The following H2AC1 variants were observed in gnomAD, a reference collection of about 807,000 sequenced individuals.
H2AC1 encodes the protein H2A clustered histone 1.
For missense variants in H2AC1, 218 were observed against 173.8 expected (o/e 1.25, Z -1.43); for synonymous variants, 145 against 70.0 (o/e 2.07, Z -5.35).
rs765392669 is a variant in H2AC1, at chr6:25,726,520, C to G, written c.8G>C (p.Gly3Ala). Residue 3 changes from glycine to alanine, a missense_variant, in exon 1 of 1, where the codon GGA becomes GCA. By Grantham distance (60) the Gly-to-Ala change is moderately conservative (BLOSUM62 0). Coordinates refer to ENST00000297012, the MANE Select transcript of H2AC1 (RefSeq NM_170745.3). MS[G>A]RGKQGGKARA... ...TGCTTTTCCTCCCTGCTTCCCTCGT[C>G]CAGACATCTCCTCGCATCAAATTGC... The G allele has an allele frequency of 1.9e-6, 3 of 1,607,872 alleles. No homozygotes were observed. The highest frequency in any genetic ancestry group is 1.1e-5 in the South Asian group (1 of 90,826).
Position 25,726,073 on chromosome 6 carries a change from T to TGAAAA in H2AC1, c.*54_*58dup, listed in dbSNP as rs1453678083. The TGAAAA allele has an allele frequency of 1.4e-6, 2 of 1,456,220 alleles. No homozygotes were observed. The highest frequency in any genetic ancestry group is 1.8e-6 in the Non-Finnish European group (2 of 1,086,292). 90.2% of individuals were successfully genotyped at this position (1,456,220 alleles called of 1,614,324 possible). A position where few individuals can be genotyped will look rare whatever the true frequency, so the allele number is the denominator to read the frequency against. ...CTTTTTCTGAGACGGTAGGTGGCTC[T>TGAAAA]GAAAAGAGCCTTTTGTTTTTTCTGA... On this transcript the variant is annotated 3_prime_UTR_variant, in exon 1 of 1. Transcript: ENST00000297012.
At position 25,726,239 on chromosome 6, in the gene H2AC1, G is replaced by C. The variant is rs1219098411; in HGVS notation, c.289C>G (p.Leu97Val). 1.2e-6 allele frequency: 2 copies of C among 1,613,810 alleles called. No homozygotes were observed. The highest frequency in any genetic ancestry group is 1.7e-6 in the Non-Finnish European group (2 of 1,179,756). ...TGGGCAATGGTCACGCCGCCCAAAA[G>C]CTTATTGAGTTCCTCATCATTGCGG... is the stretch of plus-strand genomic sequence containing the variant. ...AIRNDEELNKLLGGVTIAQGG... is the reference protein window; with the variant it reads ...AIRNDEELNKVLGGVTIAQGG... Residue 97 changes from leucine to valine, a missense_variant, in exon 1 of 1, where the codon CTT (leucine) becomes GTT (valine). Leu to Val is a conservative substitution (Grantham distance 32). Coordinates refer to ENST00000297012, the MANE Select transcript of H2AC1 (RefSeq NM_170745.3).
rs1224024736 is a variant in H2AC1, at chr6:25,726,145, G to T, written c.383C>A (p.Ala128Asp). ...GACAACCTTAAGTTACTTGCTTTGG[G>T]CTTTATGGTGGTGACTCTCAGTCTT... is the stretch of plus-strand genomic sequence containing the variant. ...PKKTESHHHK[A>D]QSK The change falls in exon 1 of 1, where the codon GCC becomes GAC. Residue 128 changes from alanine (A) to aspartate (D), a missense_variant. Transcript: ENST00000297012. 6.5e-7 allele frequency: 1 copy of T among 1,544,692 alleles called. No individual in the cohort carries two copies. The highest frequency in any genetic ancestry group is 8.7e-7 in the Non-Finnish European group (1 of 1,145,140).
rs753279541 is a variant in H2AC1, at chr6:25,726,543, T to G, written c.-16A>C. On this transcript the variant is annotated 5_prime_UTR_variant, in exon 1 of 1. Transcript: ENST00000297012. ...GTCCAGACATCTCCTCGCATCAAAT[T>G]GCAGCAACACGAGAACCACATTTCT... 5 of 1,598,262 alleles carry G rather than the reference T, an allele frequency of 3.1e-6. No individual in the cohort carries two copies. Among genetic ancestry groups the G allele is most frequent in the Admixed American group, 1.7e-5 (1 of 59,282 alleles).
At position 25,726,351 on chromosome 6, in the gene H2AC1, G is replaced by A. The variant is rs751778560; in HGVS notation, c.177C>T (p.Leu59=). The A allele has an allele frequency of 1.7e-5, 28 of 1,614,110 alleles. No individual in the cohort carries two copies. The South Asian group carries it at 2.4e-4, about 14-fold the overall frequency. The change falls in exon 1 of 1, where the codon CTC becomes CTT. Residue 59 remains leucine, a synonymous_variant. Transcript: ENST00000297012. ...PVYLAAVLEY[L]TAEILELAGN... is the part of the protein sequence containing the mutation. ...CTGCCAGCTCAAGGATTTCTGCTGT[G>A]AGATACTCTAACACTGCCGCCAAAT...
Position 25,726,239 on chromosome 6 carries a change from G to A in H2AC1, c.289C>T (p.Leu97Phe), listed in dbSNP as rs1219098411. ...AIRNDEELNK[L>F]LGGVTIAQGG... The stretch of plus-strand genomic sequence containing the variant: ...TGGGCAATGGTCACGCCGCCCAAAA[G>A]CTTATTGAGTTCCTCATCATTGCGG... The change falls in exon 1 of 1, where the codon CTT becomes TTT. Residue 97 changes from leucine to phenylalanine, a missense_variant. Transcript: ENST00000297012. 2.5e-6 allele frequency: 4 copies of A among 1,613,692 alleles called. No individual in the cohort carries two copies. The highest frequency in any genetic ancestry group is 2.7e-5 in the African/African-American group (2 of 74,930).
Position 25,726,217 on chromosome 6 carries a change from G to T in H2AC1, c.311C>A (p.Ala104Asp). ...LNKLLGGVTIAQGGVLPNIQA... is the reference protein window; with the variant it reads ...LNKLLGGVTIDQGGVLPNIQA... The stretch of plus-strand genomic sequence containing the variant: ...AATGTTAGGCAGGACTCCGCCCTGG[G>T]CAATGGTCACGCCGCCCAAAAGCTT... Residue 104 changes from alanine (A) to aspartate (D), a missense_variant, in exon 1 of 1, where the codon GCC becomes GAC. Physicochemically the swap from Ala to Asp is moderately radical, Grantham distance 126. Transcript: ENST00000297012. 6.2e-7 allele frequency: 1 copy of T among 1,611,982 alleles called. No homozygotes were observed. The highest frequency in any genetic ancestry group is 8.5e-7 in the Non-Finnish European group (1 of 1,178,492).
In H2AC1 at chr6:25,726,401, G is replaced by A. The variant is rs763938944; in HGVS notation, c.127C>T (p.Arg43Trp). 25 of 1,613,988 alleles carry A rather than the reference G, an allele frequency of 1.5e-5. No individual in the cohort carries two copies. Among genetic ancestry groups the A allele is most frequent in the South Asian group, 9.9e-5 (9 of 91,084 alleles). Residue 43 changes from arginine to tryptophan, a missense_variant, in exon 1 of 1, where the codon CGG becomes TGG. Coordinates refer to ENST00000297012, the MANE Select transcript of H2AC1 (RefSeq NM_170745.3). ...TACACTGGTGCGCCTGCCCCTATCC[G>A]CTCTGCATAGTTTCCCTTACGAAGC... The part of the protein sequence containing the change: ...RLLRKGNYAE[R>W]IGAGAPVYLA...
Position 25,726,434 on chromosome 6 carries a change from G to A in H2AC1, c.94C>T (p.His32Tyr), listed in dbSNP as rs762894409. 17 of 1,614,094 alleles carry A rather than the reference G, an allele frequency of 1.1e-5. 1 individual carries two copies. Among genetic ancestry groups the A allele is most frequent in the South Asian group, 3.3e-5 (3 of 91,074 alleles). ...AGLQFPVGRI[H>Y]RLLRKGNYAE... ...TAGTTTCCCTTACGAAGCAGACGAT[G>A]GATCCGGCCTACGGGAAACTGCAAA... is the stretch of plus-strand genomic sequence containing the variant. The change falls in exon 1 of 1, where the codon CAT becomes TAT. Residue 32 changes from histidine to tyrosine, a missense_variant. By Grantham distance (83) the His-to-Tyr change is moderately conservative. Transcript: ENST00000297012.
chr6:25,726,391 G>T lies in H2AC1; in HGVS notation c.137C>A (p.Ala46Glu). 1.9e-6 allele frequency: 3 copies of T among 1,614,144 alleles called. No individual in the cohort carries two copies. The highest frequency in any genetic ancestry group is 1.7e-6 in the Non-Finnish European group (2 of 1,180,028). The change falls in exon 1 of 1, where the codon GCA becomes GAA. Residue 46 changes from alanine to glutamate, a missense_variant. Coordinates refer to ENST00000297012, the MANE Select transcript of H2AC1 (RefSeq NM_170745.3). ...RKGNYAERIG[A>E]GAPVYLAAVL... The stretch of plus-strand genomic sequence containing the variant: ...TGCCGCCAAATACACTGGTGCGCCT[G>T]CCCCTATCCGCTCTGCATAGTTTCC...
In H2AC1 at chr6:25,726,197, T is replaced by C. The variant is rs1760235386; in HGVS notation, c.331A>G (p.Asn111Asp). 1.2e-6 allele frequency: 2 copies of C among 1,602,594 alleles called. No individual in the cohort carries two copies. The highest frequency in any genetic ancestry group is 1.7e-6 in the Non-Finnish European group (2 of 1,172,442). Residue 111 changes from asparagine to aspartate, a missense_variant, in exon 1 of 1, where the codon AAC becomes GAC. Transcript: ENST00000297012. ...TTGGGCAGCAGCACTGCCTGAATGT[T>C]AGGCAGGACTCCGCCCTGGGCAATG... ...VTIAQGGVLP[N>D]IQAVLLPKKT...
chr6:25,726,502 C>T lies in H2AC1; in HGVS notation c.26G>A (p.Gly9Glu), dbSNP rs778464441. 1.9e-6 allele frequency: 3 copies of T among 1,611,376 alleles called. No homozygotes were observed. Among genetic ancestry groups the T allele is most frequent in the South Asian group, 1.1e-5 (1 of 91,034 alleles). Residue 9 changes from glycine (G) to glutamate (E), a missense_variant, in exon 1 of 1, where the codon GGA becomes GAA. Gly to Glu is a moderately conservative substitution (Grantham distance 98). Transcript: ENST00000297012. Reference protein sequence around the residue: MSGRGKQGGKARAKSKSRS... With the variant: MSGRGKQGEKARAKSKSRS... The stretch of plus-strand genomic sequence containing the variant: ...AGACTTAGACTTGGCGCGTGCTTTT[C>T]CTCCCTGCTTCCCTCGTCCAGACAT...
At position 25,726,455 on chromosome 6, in the gene H2AC1, G is replaced by A. The variant is rs756347442; in HGVS notation, c.73C>T (p.Gln25Ter). Residue 25 changes from glutamine (Q) to a stop codon, truncating the protein, a stop_gained, in exon 1 of 1, where the codon CAG becomes TAG. Transcript: ENST00000297012. LOFTEE classifies it low-confidence loss of function (END_TRUNC). The part of the protein sequence containing the change: ...SKSRSSRAGL[Q>*]FPVGRIHRLL... ...CGATGGATCCGGCCTACGGGAAACT[G>A]CAAACCCGCTCTAGAAGAGCGAGAC... is the stretch of plus-strand genomic sequence containing the variant. The A allele has an allele frequency of 7.4e-6, 12 of 1,613,834 alleles. No homozygotes were observed. The East Asian group carries it at 8.9e-5, about 12-fold the overall frequency.
rs747849538 is a variant in H2AC1, at chr6:25,726,347, CTG to C, written c.179_180del (p.Thr60SerfsTer5). ...VYLAAVLEYL[T>X]AEILELAGNA... The stretch of plus-strand genomic sequence containing the variant: ...TTGCCTGCCAGCTCAAGGATTTCTG[CTG>C]TGAGATACTCTAACACTGCCGCCAA... On this transcript the variant is annotated frameshift_variant, in exon 1 of 1. Transcript: ENST00000297012. LOFTEE classifies it high-confidence loss of function. 1 of 1,614,160 alleles carries C rather than the reference CTG, an allele frequency of 6.2e-7. No homozygotes were observed.
Position 25,726,159 on chromosome 6 carries a change from ACTCT to A in H2AC1, c.365_368del (p.Glu122ValfsTer?), listed in dbSNP as rs1561779180. The A allele has an allele frequency of 2.6e-6, 4 of 1,558,334 alleles. No homozygotes were observed. Among genetic ancestry groups the A allele is most frequent in the Non-Finnish European group, 2.6e-6 (3 of 1,151,000 alleles). Reference sequence around the variant, plus strand: ...ACTTGCTTTGGGCTTTATGGTGGTGACTCTCAGTCTTCTTGGGCAGCAGCACTGC... The same window carrying A: ...ACTTGCTTTGGGCTTTATGGTGGTGACAGTCTTCTTGGGCAGCAGCACTGC... On this transcript the variant is annotated frameshift_variant, in exon 1 of 1. Coordinates refer to ENST00000297012, the MANE Select transcript of H2AC1 (RefSeq NM_170745.3). LOFTEE classifies it high-confidence loss of function.
In H2AC1 at chr6:25,726,161, T is replaced by C. The variant is rs990364637; in HGVS notation, c.367A>G (p.Ser123Gly). The C allele has an allele frequency of 1.3e-6, 2 of 1,569,204 alleles. No homozygotes were observed. Among genetic ancestry groups the C allele is most frequent in the Non-Finnish European group, 1.7e-6 (2 of 1,155,482 alleles). ...TTGCTTTGGGCTTTATGGTGGTGAC[T>C]CTCAGTCTTCTTGGGCAGCAGCACT... is the stretch of plus-strand genomic sequence containing the variant. ...QAVLLPKKTE[S>G]HHHKAQSK is the part of the protein sequence containing the mutation. Residue 123 changes from serine to glycine, a missense_variant, in exon 1 of 1, where the codon AGT (serine) becomes GGT (glycine). Physicochemically the swap from Ser to Gly is moderately conservative, Grantham distance 56. Coordinates refer to ENST00000297012, the MANE Select transcript of H2AC1 (RefSeq NM_170745.3).
chr6:25,726,216 G>C lies in H2AC1; in HGVS notation c.312C>G (p.Ala104=). ...LNKLLGGVTI[A]QGGVLPNIQA... Reference sequence around the variant, plus strand: ...GAATGTTAGGCAGGACTCCGCCCTGGGCAATGGTCACGCCGCCCAAAAGCT... The same window carrying C: ...GAATGTTAGGCAGGACTCCGCCCTGCGCAATGGTCACGCCGCCCAAAAGCT... The change falls in exon 1 of 1, where the codon GCC becomes GCG. Residue 104 remains alanine (A), a synonymous_variant. Transcript: ENST00000297012. 1 of 1,612,006 alleles carries C rather than the reference G, an allele frequency of 6.2e-7. No homozygotes were observed. Among genetic ancestry groups the C allele is most frequent in the African/African-American group, 1.3e-5 (1 of 75,022 alleles).
rs76591917 is a variant in H2AC1, at chr6:25,726,339, G to A, written c.189C>T (p.Ile63=). ...AAVLEYLTAE[I]LELAGNASRD... ...GAGACGCATTGCCTGCCAGCTCAAG[G>A]ATTTCTGCTGTGAGATACTCTAACA... The change falls in exon 1 of 1, where the codon ATC becomes ATT. Residue 63 remains isoleucine, a synonymous_variant. Coordinates refer to ENST00000297012, the MANE Select transcript of H2AC1 (RefSeq NM_170745.3). 2.9e-4 allele frequency: 470 copies of A among 1,614,146 alleles called. 3 individuals carry two copies. The African/African-American group carries it at 3.5e-3, about 12-fold the overall frequency.
In H2AC1 at chr6:25,726,537, T is replaced by A; in HGVS notation, c.-10A>T. On this transcript the variant is annotated 5_prime_UTR_variant, in exon 1 of 1. The change abolishes an upstream ATG in the 5' untranslated region. Transcript: ENST00000297012. ...TCCCTCGTCCAGACATCTCCTCGCA[T>A]CAAATTGCAGCAACACGAGAACCAC... 6.2e-7 allele frequency: 1 copy of A among 1,600,812 alleles called. No individual in the cohort carries two copies. The highest frequency in any genetic ancestry group is 8.5e-7 in the Non-Finnish European group (1 of 1,170,946).
Sources: allele counts gnomAD v4.1 joint callset, GRCh38; gene constraint gnomAD v4.1.1; transcripts MANE v1.5; gene names NCBI Gene and HGNC (gene_info 2026-07-23, HGNC 2026-07-21).